The following CCSER1 variants were observed in gnomAD, a reference collection of about 807,000 sequenced individuals.
The protein encoded by CCSER1 is coiled-coil serine rich protein 1, also known as serine-rich coiled-coil domain-containing protein 1.
In CCSER1, 41 loss-of-function variants were observed where a neutral mutation model predicts 82.0. The ratio of observed to expected loss-of-function variants is 0.50; its 90% CI spans 0.39 to 0.65. The LOEUF is 0.65. Ranked by LOEUF, CCSER1 falls within the 30% of genes least tolerant of loss-of-function variation. The pLI is 0.00. For missense variants in CCSER1, 1,119 were observed against 1,064.2 expected (o/e 1.05, Z -0.72); for synonymous variants, 414 against 383.9 (o/e 1.08, Z -0.92).
chr4:91,540,690 A>G (rs909193621), intron 10 of CCSER1, among the ~76,000 whole-genome samples: 16 of 152,068 alleles, frequency 1.1e-4, no homozygotes, highest in Non-Finnish European at 2.9e-5. Context: ...TTACATTGAG[A>G]TCTCTGATGC....
chr4:90,784,738 C>G (rs548873854), intron 7 of CCSER1, among the ~76,000 whole-genome samples: 49 of 152,260 alleles, frequency 3.2e-4, no homozygotes, highest in African/African-American at 1.1e-3. Flanking sequence ...GCCCCTCAAC[C>G]TTAACTACTA....
At chr4:91,274,987 TC>T (rs1203042049) in intron 10 of CCSER1, among the ~76,000 whole-genome samples, 1 of 151,744 alleles carries the variant, frequency 6.6e-6, no homozygotes, top group African/African-American at 2.4e-5. Context: ...GCGCTTGTAG[TC>T]CCAGCTACTT....
At chr4:91,356,451 T>C (rs1424661175) in intron 10 of CCSER1, among the ~76,000 whole-genome samples, 1 of 152,272 alleles carries the variant, frequency 6.6e-6, no homozygotes, top group Non-Finnish European at 1.5e-5. Context: ...CTGGTATTCC[T>C]TGTGGGGCTC....
At chr4:90,653,053 C>G (rs984427995) in intron 6 of CCSER1, among the ~76,000 whole-genome samples, 1 of 120,364 alleles carries the variant, frequency 8.3e-6, no homozygotes, top group African/African-American at 3.0e-5. Context: ...CATTTCAAGT[C>G]GTTTAACTGC....
intron 7 of CCSER1, among the ~76,000 whole-genome samples, chr4:90,760,081 TA>T (rs1750191457): frequency 1.3e-5 from 2 of 152,078 alleles, no homozygotes; most frequent in East Asian, 3.9e-4. Context: ...TATACCAAGT[TA>T]AAACAGTCTT....
intron 1 of CCSER1, among the ~76,000 whole-genome samples, chr4:90,299,143 A>G (rs1224232632): frequency 1.3e-5 from 2 of 152,062 alleles, no homozygotes; most frequent in Non-Finnish European, 2.9e-5. Context: ...CTGCTTTCCT[A>G]AATCCTGCTA....
intron 5 of CCSER1, among the ~76,000 whole-genome samples, chr4:90,550,537 A>G (rs1055984306): frequency 6.6e-6 from 1 of 152,112 alleles, no homozygotes; most frequent in African/African-American, 2.4e-5. Flanking sequence ...AACTATCACA[A>G]ATTAATATAG....
intron 1 of CCSER1, among the ~76,000 whole-genome samples, chr4:90,201,711 A>AG (rs1737746172): frequency 6.6e-6 from 1 of 152,116 alleles, no homozygotes; most frequent in Non-Finnish European, 1.5e-5. Flanking sequence ...TGAACAGTTC[A>AG]GGATAAGGTT....
At chr4:91,007,760 A>C (rs1004060769) in intron 9 of CCSER1, among the ~76,000 whole-genome samples, 1 of 145,218 alleles carries the variant, frequency 6.9e-6, no homozygotes, top group Non-Finnish European at 1.5e-5. Flanking sequence ...GATATTTACT[A>C]TTTCTTTCCT....
intron 6 of CCSER1, among the ~76,000 whole-genome samples, chr4:90,670,058 G>A (rs1006152411): frequency 6.6e-6 from 1 of 152,022 alleles, no homozygotes; most frequent in African/African-American, 2.4e-5. Flanking sequence ...TCTCTAGCTT[G>A]CACATGATAA....
At chr4:91,121,335 T>C (rs971728383) in intron 10 of CCSER1, among the ~76,000 whole-genome samples, 5 of 151,868 alleles carry the variant, frequency 3.3e-5, no homozygotes, top group Non-Finnish European at 4.4e-5. Flanking sequence ...TTAATAATAC[T>C]GTTAGTATAC....
intron 5 of CCSER1, among the ~76,000 whole-genome samples, chr4:90,499,998 G>T (rs1236723085): frequency 6.6e-6 from 1 of 152,132 alleles, no homozygotes; most frequent in Non-Finnish European, 1.5e-5. Context: ...AATCAAAGAA[G>T]AGAAATTTAA....
intron 5 of CCSER1, among the ~76,000 whole-genome samples, chr4:90,563,254 G>T (rs1356972487): frequency 6.6e-6 from 1 of 152,066 alleles, no homozygotes; most frequent in Non-Finnish European, 1.5e-5. Context: ...TGGGATTACA[G>T]GTGCCCGCCA....
chr4:91,304,251 G>A lies in CCSER1; in HGVS notation c.2217+218257G>A, dbSNP rs191374223. Among the ~76,000 whole-genome samples, 23 of 152,014 alleles carry A rather than the reference G, an allele frequency of 1.5e-4. No homozygotes were observed. The East Asian group carries it at 4.5e-3, about 30-fold the overall frequency. ...GAAAGCTAGTTGATTAAATAGAACT[G>A]TTTAAAAGATAACAAAACCACAAAA... is the stretch of plus-strand genomic sequence containing the variant. On this transcript the variant is annotated intron_variant, in intron 10 of 10. Transcript: ENST00000509176.
intron 5 of CCSER1, among the ~76,000 whole-genome samples, chr4:90,496,834 G>T (rs1228078125): frequency 2.6e-5 from 4 of 151,860 alleles, no homozygotes; most frequent in Admixed American, 6.6e-5. Flanking sequence ...AAAATTAGCT[G>T]GGTGTGGTGG....
At chr4:90,156,304 A>C (rs564293279) in intron 1 of CCSER1, among the ~76,000 whole-genome samples, 1 of 152,204 alleles carries the variant, frequency 6.6e-6, no homozygotes, top group South Asian at 2.1e-4. Flanking sequence ...TATGTGGTCA[A>C]TTTTGGAATA....
intron 7 of CCSER1, among the ~76,000 whole-genome samples, chr4:90,725,789 A>G (rs1321708201): frequency 6.6e-6 from 1 of 151,870 alleles, no homozygotes; most frequent in Non-Finnish European, 1.5e-5. Flanking sequence ...TATAACAAAT[A>G]GAAGACATTT....
intron 8 of CCSER1, among the ~76,000 whole-genome samples, chr4:90,898,510 A>G (rs1580987481): frequency 1.3e-5 from 2 of 149,166 alleles, no homozygotes; most frequent in East Asian, 4.0e-4. Flanking sequence ...TTGGTCTTGA[A>G]CTCTTGACCT....
intron 8 of CCSER1, among the ~76,000 whole-genome samples, chr4:90,893,094 T>C (rs896809147): frequency 6.6e-6 from 1 of 152,056 alleles, no homozygotes; most frequent in Non-Finnish European, 1.5e-5. Flanking sequence ...CTTTTTGGTG[T>C]TGGAGAAAGA....
Sources: gnomAD v4.1 joint callset for allele counts (sites outside exome capture counted in the v4.1 genomes callset) on GRCh38, gnomAD v4.1.1 for gene constraint, MANE v1.5 for transcripts, NCBI Gene and HGNC (gene_info 2026-07-23, HGNC 2026-07-21) for gene names.